DNAH11: variants seen among roughly 807,000 people sequenced by gnomAD.
DNAH11 encodes dynein axonemal heavy chain 11.
DNAH11 carries 442 observed loss-of-function variants against 526.0 expected under a neutral mutation model. The observed-to-expected ratio is 0.84, with a 90% CI of 0.78 to 0.91. The LOEUF is 0.91. Ranked by LOEUF, DNAH11 falls within the 40% of genes least tolerant of loss-of-function variation. DNAH11 has a pLI of 0.00. For missense variants in DNAH11, 6,989 were observed against 5,448.7 expected, an observed-to-expected ratio of 1.28 and a Z score of -8.90; for synonymous variants, 2,461 against 1,935.9, an observed-to-expected ratio of 1.27 and a Z score of -7.12.
chr7:21,842,382 T>C (rs973719489), intron 65 of DNAH11, among the ~76,000 whole-genome samples, 162 bp from the exon 66 acceptor site: 1 of 152,200 alleles, frequency 6.6e-6, no homozygotes. Context: ...GGGTGATTGC[T>C]GATCCTGCTG....
chr7:21,687,029 T>G, intron 32 of DNAH11, 70 bp from the exon 33 acceptor site: 3 of 1,441,162 alleles, frequency 2.1e-6, no homozygotes, highest in Non-Finnish European at 2.8e-6. Flanking sequence ...TTTTTTCTAA[T>G]GTATTGCCTC....
rs1248792454 is a variant in DNAH11, at chr7:21,901,701, T to C, written c.*447T>C. 6.4e-6 allele frequency: 1 copy of C among 156,148 alleles called. No individual in the cohort carries two copies. The highest frequency in any genetic ancestry group is 1.4e-5 in the Non-Finnish European group (1 of 70,572). The allele number at this position is 156,148 out of a possible 1,614,324, so 9.7% of individuals were successfully genotyped here. On this transcript the variant is annotated 3_prime_UTR_variant, in exon 82 of 82. Coordinates refer to ENST00000409508, the MANE Select transcript of DNAH11 (RefSeq NM_001277115.2). The stretch of plus-strand genomic sequence containing the variant: ...TTAGCCCTTAAACTCTTTCAAAATA[T>C]AAAAGCAGCAGGCCCCAGGTGAGTC...
At chr7:21,654,414 G>A (rs1028659108) in intron 28 of DNAH11, among the ~76,000 whole-genome samples, 1 of 152,178 alleles carries the variant, frequency 6.6e-6, no homozygotes, top group Non-Finnish European at 1.5e-5. Context: ...GCATGTATCA[G>A]TAATATTCCT....
chr7:21,765,224 T>G (rs989402292), intron 54 of DNAH11, among the ~76,000 whole-genome samples: 1 of 123,670 alleles, frequency 8.1e-6, no homozygotes, highest in African/African-American at 2.9e-5. Context: ...CAGCAGTGTT[T>G]CTGTGTCCAG....
chr7:21,761,430 G>C (rs1175288099), intron 54 of DNAH11, among the ~76,000 whole-genome samples: 3 of 152,136 alleles, frequency 2.0e-5, no homozygotes, highest in African/African-American at 7.2e-5. Context: ...ATCTTACTCT[G>C]TGTGTAGAGA....
chr7:21,750,878 G>A (rs1786384255), intron 54 of DNAH11, among the ~76,000 whole-genome samples: 1 of 152,150 alleles, frequency 6.6e-6, no homozygotes, highest in South Asian at 2.1e-4. Flanking sequence ...CTGGAACATA[G>A]AGTTCTTATA....
intron 45 of DNAH11, among the ~76,000 whole-genome samples, chr7:21,726,973 G>A (rs1428290604): frequency 8.7e-5 from 7 of 80,384 alleles, no homozygotes; most frequent in Admixed American, 5.8e-4. Flanking sequence ...TCGCTCTGTC[G>A]CCCAGGCTGG....
intron 25 of DNAH11, among the ~76,000 whole-genome samples, chr7:21,630,274 C>T (rs866614902): frequency 6.6e-6 from 1 of 151,954 alleles, no homozygotes; most frequent in Non-Finnish European, 1.5e-5. Flanking sequence ...TTGTCTATCT[C>T]TTAACCGTTT....
chr7:21,761,370 T>C (rs969520295), intron 54 of DNAH11, among the ~76,000 whole-genome samples: 3 of 152,200 alleles, frequency 2.0e-5, no homozygotes, highest in African/African-American at 7.2e-5. Flanking sequence ...GTTTAGCTGA[T>C]AGAATTTAGA....
At chr7:21,660,758 TAA>T (rs1782209347) in intron 30 of DNAH11, among the ~76,000 whole-genome samples, 3 of 152,074 alleles carry the variant, frequency 2.0e-5, no homozygotes, top group East Asian at 1.9e-4. Context: ...TATTTATATA[TAA>T]GTGTAATTAT....
At chr7:21,733,448 T>A (rs1785472865) in intron 45 of DNAH11, among the ~76,000 whole-genome samples, 1 of 152,124 alleles carries the variant, frequency 6.6e-6, no homozygotes, top group Non-Finnish European at 1.5e-5. Flanking sequence ...CTCCCTCCAC[T>A]TTATGTATTT....
At chr7:21,687,285 C>G (rs769610043) in intron 33 of DNAH11, 30 bp downstream of exon 33, 19 of 1,554,818 alleles carry the variant, frequency 1.2e-5, no homozygotes, top group Non-Finnish European at 1.7e-5. Flanking sequence ...ATGTGTAAAA[C>G]TTTATTCTCT....
chr7:21,805,480 C>A (rs1187957040), intron 62 of DNAH11, among the ~76,000 whole-genome samples: 1 of 151,938 alleles, frequency 6.6e-6, no homozygotes, highest in Non-Finnish European at 1.5e-5. Context: ...AATTCTGGAG[C>A]CTTTTGAAGA....
intron 3 of DNAH11, 63 bp downstream of exon 3, chr7:21,559,061 A>G: frequency 7.1e-7 from 1 of 1,409,054 alleles, no homozygotes; most frequent in Non-Finnish European, 9.7e-7. Flanking sequence ...ACGGTGGCTC[A>G]TGCCTATAAT....
intron 57 of DNAH11, among the ~76,000 whole-genome samples, chr7:21,783,036 G>A (rs1788020346): frequency 6.6e-6 from 1 of 152,050 alleles, no homozygotes. Context: ...CATTATAAAT[G>A]TTAACAAACA....
Position 21,564,327 on chromosome 7 carries a change from C to T in DNAH11, c.1124C>T (p.Ser375Phe), listed in dbSNP as rs528684070. 5.0e-6 allele frequency: 8 copies of T among 1,613,546 alleles called. No homozygotes were observed. In the South Asian group the frequency reaches 8.8e-5, roughly 18 times the overall value. ...FHTICLIWSH[S>F]KFYNTPARVI... ...ACCATCTGTCTGATCTGGAGTCATT[C>T]CAAGTTTTATAACACCCCAGCTCGG... The change falls in exon 6 of 82, where the codon TCC becomes TTC. Residue 375 changes from serine (S) to phenylalanine (F), a missense_variant. Coordinates refer to ENST00000409508, the MANE Select transcript of DNAH11 (RefSeq NM_001277115.2).
intron 14 of DNAH11, among the ~76,000 whole-genome samples, chr7:21,595,093 A>G (rs187967455): frequency 8.5e-5 from 13 of 152,306 alleles, no homozygotes; most frequent in Non-Finnish European, 1.8e-4. Flanking sequence ...AGTAGCTTTA[A>G]AACAGCAGAA....
chr7:21,633,497 G>A (rs183649933), intron 25 of DNAH11, among the ~76,000 whole-genome samples: 6 of 151,914 alleles, frequency 3.9e-5, no homozygotes, highest in Non-Finnish European at 8.8e-5. Flanking sequence ...TCTGATGTTG[G>A]GTTCATATAC....
Position 21,645,426 on chromosome 7 carries a change from A to T in DNAH11, c.4944+6361A>T, listed in dbSNP as rs180989724. 4.6e-5 allele frequency among the ~76,000 whole-genome samples: 7 copies of T among 152,352 alleles called. No individual in the cohort carries two copies. In the East Asian group the frequency reaches 1.3e-3, roughly 29 times the overall value. ...TTGAAGAATAAGTGTGCCAGGGGCT[A>T]CGATAGCAGCAGTTTGGTGCTGCTT... On this transcript the variant is annotated intron_variant, in intron 28 of 81. Coordinates refer to ENST00000409508, the MANE Select transcript of DNAH11 (RefSeq NM_001277115.2).
Sources: gnomAD v4.1 joint callset for allele counts (sites outside exome capture counted in the v4.1 genomes callset) on GRCh38, gnomAD v4.1.1 for gene constraint, MANE v1.5 for transcripts, NCBI Gene and HGNC (gene_info 2026-07-23, HGNC 2026-07-21) for gene names.